PLCB1: variants seen among roughly 807,000 people sequenced by gnomAD.
PLCB1 encodes 1-phosphatidylinositol 4,5-bisphosphate phosphodiesterase beta-1.
Under a neutral mutation model 161.8 loss-of-function variants are expected in PLCB1, and 46 were observed. That is an observed-to-expected ratio of 0.28 (90% CI 0.22 to 0.36). The LOEUF (loss-of-function observed/expected upper bound fraction) is 0.36, where lower values mean the gene tolerates loss of function less well. PLCB1 is among the 10% of genes least tolerant of loss of function. The pLI, the probability that PLCB1 is intolerant of heterozygous loss-of-function variation, is 1.00. For missense variants in PLCB1, 1,016 were observed against 1,472.5 expected, an observed-to-expected ratio of 0.69 and a Z score of 5.07; for synonymous variants, 517 against 503.7, an observed-to-expected ratio of 1.03 and a Z score of -0.35.
intron 2 of PLCB1, among the ~76,000 whole-genome samples, chr20:8,232,251 A>G (rs1980092396): frequency 6.6e-6 from 1 of 150,472 alleles, no homozygotes; most frequent in South Asian, 2.1e-4. Context: ...GAGAGAGAGA[A>G]AAGATCATGC....
At chr20:8,491,271 T>A (rs1982934537) in intron 3 of PLCB1, among the ~76,000 whole-genome samples, 1 of 152,168 alleles carries the variant, frequency 6.6e-6, no homozygotes, top group South Asian at 2.1e-4. Flanking sequence ...TTTAAATTTC[T>A]TTCAGTATTG....
chr20:8,449,665 G>A (rs564310769), intron 3 of PLCB1, among the ~76,000 whole-genome samples: 1 of 152,250 alleles, frequency 6.6e-6, no homozygotes, highest in South Asian at 2.1e-4. Flanking sequence ...ACAGGGGTGA[G>A]CCCCCCACTC....
chr20:8,409,407 C>A (rs1246619320), intron 3 of PLCB1, among the ~76,000 whole-genome samples: 1 of 151,752 alleles, frequency 6.6e-6, no homozygotes, highest in Non-Finnish European at 1.5e-5. Context: ...TCTCTGAGGA[C>A]CGACAAGGAT....
chr20:8,737,499 CAAA>C (rs754387900), intron 20 of PLCB1, among the ~76,000 whole-genome samples: 16 of 151,970 alleles, frequency 1.1e-4, no homozygotes, highest in Non-Finnish European at 1.9e-4. Flanking sequence ...AATTATAACT[CAAA>C]GAAGTAGAGT....
At chr20:8,177,049 T>A (rs1252527641) in intron 2 of PLCB1, among the ~76,000 whole-genome samples, 1 of 152,152 alleles carries the variant, frequency 6.6e-6, no homozygotes, top group Non-Finnish European at 1.5e-5. Context: ...GGTATTAAAA[T>A]CAAATTAAAA....
chr20:8,458,433 G>T (rs1366799142), intron 3 of PLCB1, among the ~76,000 whole-genome samples: 1 of 152,058 alleles, frequency 6.6e-6, no homozygotes, highest in Non-Finnish European at 1.5e-5. Flanking sequence ...TAATGTCCTA[G>T]GTTCTTTATC....
At chr20:8,195,529 T>C (rs1228247842) in intron 2 of PLCB1, among the ~76,000 whole-genome samples, 2 of 152,018 alleles carry the variant, frequency 1.3e-5, no homozygotes. Context: ...TCCCCTAACA[T>C]CTTACATGAC....
At chr20:8,394,713 GT>G (rs1410614777) in intron 3 of PLCB1, among the ~76,000 whole-genome samples, 1 of 152,166 alleles carries the variant, frequency 6.6e-6, no homozygotes, top group African/African-American at 2.4e-5. Flanking sequence ...TAGTGCATAT[GT>G]TTAATAGGCT....
At chr20:8,523,496 C>CTCTCTCTCTCTATATATATATATATATA in intron 3 of PLCB1, among the ~76,000 whole-genome samples, 4 of 51,652 alleles carry the variant, frequency 7.7e-5, no homozygotes, top group East Asian at 4.0e-4. Flanking sequence ...CTCTCTCTCT[C>CTCTCTCTCTCTATATATATATATATATA]TATATATATA....
At chr20:8,724,842 AAT>A (rs1368219108) in intron 16 of PLCB1, 90 bp downstream of exon 16, 15 of 724,214 alleles carry the variant, frequency 2.1e-5, no homozygotes, top group Admixed American at 1.3e-4. Context: ...TGTTACCCTT[AAT>A]AGAGAGATTT....
At chr20:8,365,651 A>T (rs1020099234) in intron 2 of PLCB1, among the ~76,000 whole-genome samples, 139 of 152,070 alleles carry the variant, frequency 9.1e-4, no homozygotes, top group Admixed American at 3.2e-3. Flanking sequence ...TCATTTTTTT[A>T]AAAAAATTGT....
intron 2 of PLCB1, among the ~76,000 whole-genome samples, chr20:8,267,328 C>T (rs1982019156): frequency 6.6e-6 from 1 of 152,142 alleles, no homozygotes; most frequent in Non-Finnish European, 1.5e-5. Flanking sequence ...CGGTTCACAT[C>T]CCACCCACTG....
intron 2 of PLCB1, among the ~76,000 whole-genome samples, chr20:8,275,253 G>GTGTC (rs1982479126): frequency 1.3e-5 from 2 of 149,768 alleles, no homozygotes. Context: ...CAGCGTGAGT[G>GTGTC]TGTGTGTGTG....
chr20:8,866,090 G>C (rs1225986976), intron 31 of PLCB1, among the ~76,000 whole-genome samples: 1 of 152,098 alleles, frequency 6.6e-6, no homozygotes, highest in Non-Finnish European at 1.5e-5. Context: ...TTACAAAAGA[G>C]GATTTCTATA....
At chr20:8,742,749 A>G (rs1244020986) in intron 23 of PLCB1, among the ~76,000 whole-genome samples, 3 of 152,234 alleles carry the variant, frequency 2.0e-5, no homozygotes, top group Non-Finnish European at 4.4e-5. Context: ...CTTCTATCAT[A>G]TAGCTCCACC....
chr20:8,317,566 CAG>C (rs1021045439), intron 2 of PLCB1, among the ~76,000 whole-genome samples: 9 of 151,520 alleles, frequency 5.9e-5, no homozygotes, highest in Non-Finnish European at 1.0e-4. Flanking sequence ...TCTATGCAAT[CAG>C]GGCACTTGCA....
intron 3 of PLCB1, among the ~76,000 whole-genome samples, chr20:8,510,958 T>C (rs116351831): frequency 7.0e-4 from 107 of 152,326 alleles, no homozygotes; most frequent in African/African-American, 2.5e-3. Flanking sequence ...CTAGTTATCA[T>C]ATCCATCACC....
chr20:8,445,704 G>A (rs1004154638), intron 3 of PLCB1, among the ~76,000 whole-genome samples: 9 of 152,002 alleles, frequency 5.9e-5, no homozygotes, highest in African/African-American at 1.7e-4. Context: ...CCATTTGTTT[G>A]TGTCCTCTTT....
chr20:8,461,377 C>T (rs1981570685), intron 3 of PLCB1, among the ~76,000 whole-genome samples: 1 of 152,166 alleles, frequency 6.6e-6, no homozygotes, highest in Non-Finnish European at 1.5e-5. Context: ...GCCTCTACCA[C>T]TTACAGGATA....
Sources: allele counts gnomAD v4.1 joint callset (sites outside exome capture counted in the v4.1 genomes callset), GRCh38; gene constraint gnomAD v4.1.1; transcripts MANE v1.5; gene names NCBI Gene and HGNC (gene_info 2026-07-23, HGNC 2026-07-21).